CERT1: variants seen among roughly 807,000 people sequenced by gnomAD.
CERT1 encodes ceramide transporter 1.
In CERT1, 31 loss-of-function variants were observed where a neutral mutation model predicts 87.9. The ratio of observed to expected loss-of-function variants is 0.35; its 90% CI spans 0.27 to 0.48. The LOEUF is 0.48. Among genes scored for constraint, CERT1 ranks in the 20% least tolerant of loss-of-function variants. The probability of loss-of-function intolerance (pLI) is 0.99; values close to 1 mark genes in which losing one functional copy is unlikely to be tolerated. For missense variants in CERT1, 487 were observed against 758.0 expected, an observed-to-expected ratio of 0.64 and a Z score of 4.20; for synonymous variants, 289 against 250.9, an observed-to-expected ratio of 1.15 and a Z score of -1.44.
At chr5:75,387,610 C>T (rs557403948) in intron 12 of CERT1, among the ~76,000 whole-genome samples, 2 of 151,934 alleles carry the variant, frequency 1.3e-5, no homozygotes, top group East Asian at 1.9e-4. Flanking sequence ...AGCGTAGTGG[C>T]GGGTGCCTGT....
At chr5:75,447,447 T>A (rs558353179) in intron 3 of CERT1, among the ~76,000 whole-genome samples, 286 of 145,552 alleles carry the variant, frequency 2.0e-3, no homozygotes, top group African/African-American at 7.0e-3. Flanking sequence ...TTAAAAAAAA[T>A]TTATTTATTT....
intron 11 of CERT1, among the ~76,000 whole-genome samples, chr5:75,393,799 A>G (rs977308313): frequency 3.3e-5 from 5 of 151,062 alleles, no homozygotes; most frequent in Non-Finnish European, 7.4e-5. Context: ...TCCCCTCTCT[A>G]CTAAAAATAT....
At chr5:75,441,657 A>C (rs1477737132) in intron 3 of CERT1, among the ~76,000 whole-genome samples, 1 of 152,296 alleles carries the variant, frequency 6.6e-6, no homozygotes, top group East Asian at 1.9e-4. Context: ...ACCCAATATG[A>C]GTGGAATCAT....
At chr5:75,397,425 C>T (rs1438178519) in intron 11 of CERT1, among the ~76,000 whole-genome samples, 2 of 152,134 alleles carry the variant, frequency 1.3e-5, no homozygotes, top group African/African-American at 4.8e-5. Flanking sequence ...AAAATATAGG[C>T]ACCTGCTTCT....
At chr5:75,389,725 G>T in intron 11 of CERT1, 38 bp from the exon 12 acceptor site, 2 of 1,477,424 alleles carry the variant, frequency 1.4e-6, no homozygotes, top group Non-Finnish European at 1.9e-6. Flanking sequence ...AATCCAAAAG[G>T]TATGTCATAA....
At chr5:75,467,667 A>AAAAG (rs1554043729) in intron 2 of CERT1, among the ~76,000 whole-genome samples, 18 of 149,688 alleles carry the variant, frequency 1.2e-4, no homozygotes, top group East Asian at 1.0e-3. Flanking sequence ...AAAAAAAAAA[A>AAAAG]GTAGCATAAG....
Position 75,379,293 on chromosome 5 carries a change from TAGTCAAATAA to T in CERT1, c.*43_*52del. 6.9e-7 allele frequency: 1 copy of T among 1,442,060 alleles called. No individual in the cohort carries two copies. The highest frequency in any genetic ancestry group is 9.6e-7 in the Non-Finnish European group (1 of 1,045,682). 89.3% of individuals were successfully genotyped at this position (1,442,060 alleles called of 1,614,324 possible). Reference sequence around the variant, plus strand: ...TAAATTTTAGTATTGACAGTCATATTAGTCAAATAAAGTTAAAAAAAGATAAAACATATCT... The same window carrying T: ...TAAATTTTAGTATTGACAGTCATATTAGTTAAAAAAAGATAAAACATATCT... On this transcript the variant is annotated 3_prime_UTR_variant, in exon 17 of 17. Coordinates refer to ENST00000643780, the MANE Select transcript of CERT1 (RefSeq NM_001379029.1).
At chr5:75,408,090 A>G (rs571666648) in intron 8 of CERT1, among the ~76,000 whole-genome samples, 2 of 152,240 alleles carry the variant, frequency 1.3e-5, no homozygotes, top group East Asian at 3.9e-4. Context: ...AATAGGAGCC[A>G]TTTAGGATTA....
intron 9 of CERT1, 97 bp downstream of exon 9, chr5:75,402,875 C>T: frequency 1.4e-6 from 1 of 690,572 alleles, no homozygotes; most frequent in East Asian, 2.6e-5. Flanking sequence ...ATTAAGTTCA[C>T]AATGTTCAAA....
chr5:75,442,941 T>C (rs1157465601), intron 3 of CERT1, among the ~76,000 whole-genome samples: 1 of 152,202 alleles, frequency 6.6e-6, no homozygotes, highest in Non-Finnish European at 1.5e-5. Context: ...ATCGTAAGTA[T>C]GTATGCATAG....
At chr5:75,428,040 A>C (rs892721349) in intron 3 of CERT1, among the ~76,000 whole-genome samples, 5 of 152,202 alleles carry the variant, frequency 3.3e-5, no homozygotes, top group African/African-American at 1.2e-4. Flanking sequence ...TTGACATTTT[A>C]TAGCCTCTGT....
chr5:75,388,598 G>GCATATATA (rs1761896218), intron 12 of CERT1, among the ~76,000 whole-genome samples: 1 of 52,454 alleles, frequency 1.9e-5, no homozygotes, highest in Non-Finnish European at 3.9e-5. Context: ...TAGCATGCAT[G>GCATATATA]CATATATATA....
chr5:75,485,929 G>A (rs59427628), intron 2 of CERT1, among the ~76,000 whole-genome samples: 9,098 of 151,984 alleles, frequency 0.06, 559 homozygotes, highest in African/African-American at 0.16. Context: ...ACTGAACACC[G>A]AAGGAAGAAC....
chr5:75,440,883 G>A (rs1353553149), intron 3 of CERT1, among the ~76,000 whole-genome samples: 2 of 152,020 alleles, frequency 1.3e-5, no homozygotes, highest in East Asian at 3.8e-4. Context: ...TTGTAATTCA[G>A]GGCTTTTGAT....
At position 75,467,651 on chromosome 5, in the gene CERT1, A is replaced by AAG. The variant is rs1765519188; in HGVS notation, c.232-8471_232-8470insCT. Among the ~76,000 whole-genome samples, 5 of 9,804 alleles carry AAG rather than the reference A, an allele frequency of 5.1e-4. No homozygotes were observed. The East Asian group carries it at 0.028, about 55-fold the overall frequency. 6.4% of individuals were successfully genotyped at this position (9,804 alleles called of 152,430 possible). ...GTGAGACTCTGTCTCCAAAAAAAAGAAAAAAAAAAAAAAAAAGTAGCATAA... is the reference window on the plus strand; with the variant it reads ...GTGAGACTCTGTCTCCAAAAAAAAGAAGAAAAAAAAAAAAAAAAGTAGCATAA... On this transcript the variant is annotated intron_variant, in intron 2 of 16. Transcript: ENST00000643780.
chr5:75,511,031 A>G (rs1478632376), intron 1 of CERT1, 81 bp downstream of exon 1: 1 of 1,437,836 alleles, frequency 7.0e-7, no homozygotes, highest in Non-Finnish European at 9.1e-7. Context: ...GCCTCCCGCC[A>G]GCCCCACCCC....
At chr5:75,372,629 T>G (rs1761124771) in intron 17 of CERT1, 1 of 152,228 alleles carries the variant, frequency 6.6e-6, no homozygotes, top group Admixed American at 6.5e-5. Context: ...AATGTAAGCA[T>G]ATGTTTTATA....
chr5:75,499,950 T>C (rs1352507199), intron 2 of CERT1, among the ~76,000 whole-genome samples: 2 of 152,142 alleles, frequency 1.3e-5, no homozygotes, highest in Non-Finnish European at 2.9e-5. Flanking sequence ...ACAGCAGCAT[T>C]GTGGATTTAA....
intron 17 of CERT1, chr5:75,370,820 C>CTCATGCCTGT (rs1554032496): frequency 2.0e-5 from 3 of 151,938 alleles, no homozygotes; most frequent in Admixed American, 1.3e-4. Context: ...GGCATAGTGC[C>CTCATGCCTGT]TCATGCCTGT....
Sources: gnomAD v4.1 joint callset for allele counts (sites outside exome capture counted in the v4.1 genomes callset) on GRCh38, gnomAD v4.1.1 for gene constraint, MANE v1.5 for transcripts, NCBI Gene and HGNC (gene_info 2026-07-23, HGNC 2026-07-21) for gene names.